Variants in PRP4K observed in about 807,000 individuals in gnomAD.
The protein encoded by PRP4K is pre-mRNA processing factor kinase PRP4K.
the PRP4K span, among the ~76,000 whole-genome samples, chr6:4,036,953 T>G: frequency 2.2e-5 from 3 of 138,918 alleles, no homozygotes; most frequent in Non-Finnish European, 4.5e-5. Flanking sequence ...GCCACTGCAC[T>G]CCAGCCTGGG....
chr6:4,053,071 G>A, the PRP4K span, among the ~76,000 whole-genome samples: 1 of 152,152 alleles, frequency 6.6e-6, no homozygotes, highest in Admixed American at 6.5e-5. Context: ...TGAAGAAAAA[G>A]GAAATGTACA....
chr6:4,022,249 A>C, the PRP4K span, among the ~76,000 whole-genome samples: 261 of 142,808 alleles, frequency 1.8e-3, no homozygotes, highest in African/African-American at 6.4e-3. Context: ...CTGCCAAACC[A>C]CTTTATGTCT....
the PRP4K span, among the ~76,000 whole-genome samples, chr6:4,054,752 C>A: frequency 1.3e-5 from 2 of 152,190 alleles, no homozygotes; most frequent in Admixed American, 6.5e-5. Context: ...GATCTGCCCG[C>A]CTCGTCCTCC....
the PRP4K span, chr6:4,047,374 A>G: frequency 1.2e-6 from 1 of 824,370 alleles, no homozygotes; most frequent in Non-Finnish European, 1.8e-6. Flanking sequence ...GGTGAAAGGA[A>G]TCTGAAAACT....
the PRP4K span, chr6:4,021,592 C>T: frequency 6.0e-6 from 8 of 1,338,118 alleles, no homozygotes; most frequent in African/African-American, 1.0e-4. Flanking sequence ...CGGCGCGATT[C>T]GTTGTGGGGT....
the PRP4K span, among the ~76,000 whole-genome samples, chr6:4,031,285 C>T: frequency 1.3e-5 from 2 of 152,212 alleles, no homozygotes; most frequent in Admixed American, 1.3e-4. Context: ...TTTTCTCTAA[C>T]CTGTACTTTT....
the PRP4K span, among the ~76,000 whole-genome samples, chr6:4,025,227 T>C: frequency 2.0e-5 from 3 of 152,246 alleles, no homozygotes; most frequent in Non-Finnish European, 4.4e-5. Flanking sequence ...GAAATATATA[T>C]GGCCTATATT....
the PRP4K span, among the ~76,000 whole-genome samples, chr6:4,044,811 G>A: frequency 6.6e-6 from 1 of 150,978 alleles, no homozygotes; most frequent in Admixed American, 6.6e-5. Context: ...TAGTGAACTT[G>A]TTGGAGGGCA....
At chr6:4,024,541 T>C in the PRP4K span, among the ~76,000 whole-genome samples, 1 of 51,454 alleles carries the variant, frequency 1.9e-5, no homozygotes, top group African/African-American at 3.6e-5. Context: ...ATAAATTCAC[T>C]AAGACTATTG....
chr6:4,063,866 A>AT, the PRP4K span: 1 of 152,066 alleles, frequency 6.6e-6, no homozygotes, highest in Non-Finnish European at 1.5e-5. Context: ...TCTGCCGTGA[A>AT]TTTTTTGCTT....
the PRP4K span, among the ~76,000 whole-genome samples, chr6:4,036,091 A>G: frequency 1.3e-5 from 2 of 152,242 alleles, no homozygotes; most frequent in South Asian, 4.1e-4. Flanking sequence ...ACATTAAGAA[A>G]TGTTCAAAAC....
chr6:4,022,154 A>ATTTTTTTTTTTTTTTTTTT, the PRP4K span, among the ~76,000 whole-genome samples: 2 of 92,054 alleles, frequency 2.2e-5, no homozygotes, highest in Non-Finnish European at 3.9e-5. Context: ...GAGGCCTGGC[A>ATTTTTTTTTTTTTTTTTTT]TTTTTTTTTT....
At chr6:4,032,078 A>G in the PRP4K span, 1 of 1,613,838 alleles carries the variant, frequency 6.2e-7, no homozygotes, top group African/African-American at 1.3e-5. Context: ...GTAAAAGCAG[A>G]TCCAAAGAAC....
At chr6:4,044,863 ATT>A in the PRP4K span, among the ~76,000 whole-genome samples, 63 of 132,294 alleles carry the variant, frequency 4.8e-4, no homozygotes, top group African/African-American at 1.7e-3. Context: ...TATTATTATT[ATT>A]TTTTTTTTTT....
the PRP4K span, among the ~76,000 whole-genome samples, chr6:4,041,324 C>G: frequency 1.3e-5 from 2 of 152,130 alleles, no homozygotes; most frequent in Non-Finnish European, 1.5e-5. Flanking sequence ...TGATGAGTGT[C>G]CTTTTTACAA....
the PRP4K span, among the ~76,000 whole-genome samples, chr6:4,033,807 T>A: frequency 4.9e-4 from 75 of 152,272 alleles, no homozygotes; most frequent in South Asian, 0.016. Flanking sequence ...GATTCTTTAC[T>A]TCTGAGTGGC....
chr6:4,040,399 G>C, the PRP4K span, among the ~76,000 whole-genome samples: 625 of 152,204 alleles, frequency 4.1e-3, 2 homozygotes, highest in African/African-American at 0.014. Context: ...CTTCACTCCA[G>C]TGCCTGTGTA....
At chr6:4,060,570 G>C in the PRP4K span, 1 of 1,613,834 alleles carries the variant, frequency 6.2e-7, no homozygotes, top group Non-Finnish European at 8.5e-7. This position sits in a 1 kb window ranked among gnomAD's most constrained non-coding sequence, Gnocchi z 4.7. Flanking sequence ...AAACGAATTA[G>C]CATCAACCAG....
chr6:4,051,438 T>C, the PRP4K span, among the ~76,000 whole-genome samples: 169 of 152,026 alleles, frequency 1.1e-3, 2 homozygotes, highest in African/African-American at 3.9e-3. Flanking sequence ...TGCCTCAGCC[T>C]CCCGAGTAGC....
Sources: allele counts gnomAD v4.1 joint callset (sites outside exome capture counted in the v4.1 genomes callset), GRCh38; gene constraint gnomAD v4.1.1; non-coding constraint Gnocchi (gnomAD v3.1); transcripts MANE v1.5; gene names NCBI Gene and HGNC (gene_info 2026-07-23, HGNC 2026-07-21).